ADRA1B: variants seen among roughly 807,000 people sequenced by gnomAD.
ADRA1B encodes alpha-1B adrenergic receptor.
In ADRA1B, 17 loss-of-function variants were observed where a neutral mutation model predicts 17.9. The ratio of observed to expected loss-of-function variants is 0.95; its 90% CI spans 0.65 to 1.42. The LOEUF (loss-of-function observed/expected upper bound fraction) is 1.42. ADRA1B is among the 40% of genes most tolerant of loss of function. The probability of loss-of-function intolerance (pLI) is 0.00; values close to 1 mark genes in which losing one functional copy is unlikely to be tolerated. For missense variants in ADRA1B, 681 were observed against 722.1 expected (o/e 0.94, Z 0.65); for synonymous variants, 366 against 327.6 (o/e 1.12, Z -1.27).
chr5:159,972,065 G>A lies in ADRA1B; in HGVS notation c.1136G>A (p.Arg379His). Residue 379 changes from arginine to histidine, a missense_variant, in exon 2 of 2, where the codon CGT becomes CAT. This residue lies in a region of ADRA1B where 251 missense variants were observed against 224.9 expected (regional missense o/e 1.12). Transcript: ENST00000306675. Reference sequence around the variant, plus strand: ...GGCCGCCGCCGACGCCGCCGCCGCCGTCGCCTGGGCGGCTGCGCCTACACC... The same window carrying A: ...GGCCGCCGCCGACGCCGCCGCCGCCATCGCCTGGGCGGCTGCGCCTACACC... Reference protein sequence around the residue: ...GRGRRRRRRRRRLGGCAYTYR... With the variant: ...GRGRRRRRRRHRLGGCAYTYR... The A allele has an allele frequency of 4.6e-6, 6 of 1,308,186 alleles. No homozygotes were observed. Among genetic ancestry groups the A allele is most frequent in the Non-Finnish European group, 5.8e-6 (6 of 1,028,784 alleles). 81.0% of individuals were successfully genotyped at this position (1,308,186 alleles called of 1,614,324 possible).
At chr5:159,942,208 C>T (rs191223603) in intron 1 of ADRA1B, among the ~76,000 whole-genome samples, 8 of 152,092 alleles carry the variant, frequency 5.3e-5, no homozygotes, top group Non-Finnish European at 8.8e-5. Flanking sequence ...AGGCGTGAGC[C>T]GCCATGGCCG....
intron 1 of ADRA1B, among the ~76,000 whole-genome samples, chr5:159,943,849 G>T (rs1755198919): frequency 1.3e-5 from 2 of 150,976 alleles, no homozygotes; most frequent in African/African-American, 4.9e-5. Context: ...TCAGTATATT[G>T]TTACCTGGGT....
chr5:159,903,874 T>A (rs1754128608), intron 1 of ADRA1B, among the ~76,000 whole-genome samples: 1 of 152,048 alleles, frequency 6.6e-6, no homozygotes, highest in African/African-American at 2.4e-5. Context: ...GGTGGAAGAC[T>A]CAGGGCACAG....
intron 1 of ADRA1B, among the ~76,000 whole-genome samples, chr5:159,885,433 G>A (rs1006263671): frequency 1.8e-4 from 27 of 152,034 alleles, no homozygotes; most frequent in African/African-American, 6.5e-4. Context: ...ACCCAATTCT[G>A]GCCAATGAGA....
At chr5:159,906,951 C>T (rs1754168332) in intron 1 of ADRA1B, among the ~76,000 whole-genome samples, 1 of 152,214 alleles carries the variant, frequency 6.6e-6, no homozygotes, top group Admixed American at 6.5e-5. Flanking sequence ...ATCCCCTTCC[C>T]AGAGGACCTG....
intron 1 of ADRA1B, among the ~76,000 whole-genome samples, chr5:159,927,380 T>TGC (rs1023911661): frequency 3.6e-5 from 2 of 55,390 alleles, no homozygotes; most frequent in Admixed American, 1.8e-4. Context: ...AATTAAAACA[T>TGC]GCACACACAC....
At chr5:159,881,364 C>G (rs1156504564) in intron 1 of ADRA1B, among the ~76,000 whole-genome samples, 1 of 149,192 alleles carries the variant, frequency 6.7e-6, no homozygotes, top group African/African-American at 2.5e-5. Context: ...TCTCCTCTGC[C>G]CCTACCCATT....
intron 1 of ADRA1B, among the ~76,000 whole-genome samples, chr5:159,929,723 A>C (rs1402450321): frequency 1.3e-5 from 2 of 151,962 alleles, no homozygotes; most frequent in African/African-American, 4.8e-5. Flanking sequence ...TTTTTTAATG[A>C]TGCATAGATT....
intron 1 of ADRA1B, among the ~76,000 whole-genome samples, chr5:159,936,905 G>T (rs950587181): frequency 1.3e-5 from 2 of 152,172 alleles, no homozygotes; most frequent in African/African-American, 4.8e-5. Flanking sequence ...TGACTGTGTT[G>T]TCAGAGAGCA....
chr5:159,945,810 C>G (rs1421347358), intron 1 of ADRA1B, among the ~76,000 whole-genome samples: 17 of 150,808 alleles, frequency 1.1e-4, no homozygotes, highest in African/African-American at 2.2e-4. Context: ...TGCAGTGGCG[C>G]GATCTCGGCT....
intron 1 of ADRA1B, among the ~76,000 whole-genome samples, chr5:159,961,622 G>A (rs893420532): frequency 1.9e-4 from 29 of 152,208 alleles, no homozygotes; most frequent in African/African-American, 6.8e-4. Context: ...GCCTGACGGT[G>A]TAGCCAAATG....
chr5:159,970,506 C>T lies in ADRA1B; in HGVS notation c.950-1373C>T, dbSNP rs114339388. ...GGAGGGACATCCAGGTTGTCTCCCA[C>T]CTCCTGTCACTACAAACAATATTGC... On this transcript the variant is annotated intron_variant, in intron 1 of 1. Transcript: ENST00000306675. Among the ~76,000 whole-genome samples, 512 of 152,312 alleles carry T rather than the reference C, an allele frequency of 3.4e-3. 3 individuals are homozygous for T. The highest frequency in any genetic ancestry group is 0.011 in the African/African-American group (460 of 41,566).
intron 1 of ADRA1B, among the ~76,000 whole-genome samples, chr5:159,949,362 T>C (rs1454733115): frequency 6.6e-6 from 1 of 152,242 alleles, no homozygotes; most frequent in East Asian, 1.9e-4. Flanking sequence ...TCTAAATCAA[T>C]GGCTCTTATC....
chr5:159,886,274 G>T (rs1753921926), intron 1 of ADRA1B, among the ~76,000 whole-genome samples: 1 of 152,150 alleles, frequency 6.6e-6, no homozygotes, highest in Non-Finnish European at 1.5e-5. Flanking sequence ...TTCTCTGTTT[G>T]TCTATGCTCA....
rs2113301948 is a variant in ADRA1B at position 159,972,814 on chromosome 5, G to A, written c.*322G>A. ...CGTGGGTGCACGTGAGTGTGACTGT[G>A]CGGTGTGCGTGTGTTCCGCTTGTGT... is the stretch of plus-strand genomic sequence containing the variant. On this transcript the variant is annotated 3_prime_UTR_variant, in exon 2 of 2. Transcript: ENST00000306675. Among the ~76,000 whole-genome samples the A allele has an allele frequency of 6.6e-6, 1 of 152,284 alleles. No homozygotes were observed. Among genetic ancestry groups the A allele is most frequent in the South Asian group, 2.1e-4 (1 of 4,820 alleles).
At chr5:159,983,443 C>T in the ADRA1B span, among the ~76,000 whole-genome samples, 2 of 152,238 alleles carry the variant, frequency 1.3e-5, no homozygotes, top group African/African-American at 4.8e-5. Context: ...GCACCACGGT[C>T]TCTCACTCTC....
At chr5:159,953,787 C>A (rs1736252243) in intron 1 of ADRA1B, among the ~76,000 whole-genome samples, 1 of 152,146 alleles carries the variant, frequency 6.6e-6, no homozygotes, top group African/African-American at 2.4e-5. Context: ...TCAATACAGA[C>A]TTGCTGTGAA....
chr5:159,908,326 T>C (rs889867341), intron 1 of ADRA1B, among the ~76,000 whole-genome samples: 46 of 152,174 alleles, frequency 3.0e-4, no homozygotes, highest in Non-Finnish European at 4.9e-4. Context: ...ACGCTATGGT[T>C]TGAATATGGT....
intron 1 of ADRA1B, among the ~76,000 whole-genome samples, chr5:159,939,278 A>AGAGAGAGAGAGAGT (rs1417832136): frequency 2.0e-5 from 2 of 98,362 alleles, no homozygotes; most frequent in African/African-American, 7.6e-5. Flanking sequence ...AGAGAGAGAG[A>AGAGAGAGAGAGAGT]GTGTGTGTGT....
Sources: allele counts gnomAD v4.1 joint callset (sites outside exome capture counted in the v4.1 genomes callset), GRCh38; gene constraint gnomAD v4.1.1; regional missense constraint gnomAD v4.1.1; transcripts MANE v1.5; gene names NCBI Gene and HGNC (gene_info 2026-07-23, HGNC 2026-07-21).